Variants in DCLK1 observed in about 807,000 individuals in gnomAD.
DCLK1 encodes doublecortin like kinase 1.
DCLK1 carries 16 observed loss-of-function variants against 86.2 expected under a neutral mutation model. The observed-to-expected ratio is 0.19, with a 90% confidence interval of 0.13 to 0.28. The LOEUF is 0.28. Among genes scored for constraint, DCLK1 ranks in the 10% least tolerant of loss-of-function variants. The probability of loss-of-function intolerance (pLI) is 1.00; values close to 1 mark genes in which losing one functional copy is unlikely to be tolerated. For missense variants in DCLK1, 590 were observed against 940.2 expected, an observed-to-expected ratio of 0.63 and a Z score of 4.87; for synonymous variants, 369 against 370.5, an observed-to-expected ratio of 1.00 and a Z score of 0.05.
chr13:36,067,792 C>A (rs116034574), intron 3 of DCLK1, among the ~76,000 whole-genome samples: 1 of 152,174 alleles, frequency 6.6e-6, no homozygotes, highest in African/African-American at 2.4e-5. Context: ...ATTCCCTTCT[C>A]TCCTAGGAGC....
intron 3 of DCLK1, among the ~76,000 whole-genome samples, chr13:36,102,674 T>C (rs1258577244): frequency 6.6e-6 from 1 of 152,256 alleles, no homozygotes; most frequent in East Asian, 1.9e-4. Context: ...ACTGGACTTA[T>C]GGAATCAGAC....
intron 6 of DCLK1, chr13:35,849,699 G>C: frequency 1.0e-6 from 1 of 984,636 alleles, no homozygotes; most frequent in Non-Finnish European, 1.2e-6. Flanking sequence ...AACACAAAAG[G>C]AGTTTTGCAT....
chr13:35,955,500 C>T (rs189396684), intron 3 of DCLK1, among the ~76,000 whole-genome samples: 279 of 152,216 alleles, frequency 1.8e-3, no homozygotes, highest in Non-Finnish European at 3.4e-3. Flanking sequence ...GCCTAATCAC[C>T]TCCCAAAGGC....
At chr13:36,089,016 T>C (rs1884717909) in intron 3 of DCLK1, among the ~76,000 whole-genome samples, 1 of 152,198 alleles carries the variant, frequency 6.6e-6, no homozygotes, top group African/African-American at 2.4e-5. Context: ...AAAATTTTAT[T>C]CTATCTTTTT....
chr13:35,966,407 A>G lies in DCLK1; in HGVS notation c.724-18950T>C, dbSNP rs941807966. 2.6e-5 allele frequency among the ~76,000 whole-genome samples: 4 copies of G among 152,298 alleles called. No homozygotes were observed. In the South Asian group the frequency reaches 8.3e-4, roughly 32 times the overall value. On this transcript the variant is annotated intron_variant, in intron 3 of 16. Coordinates refer to ENST00000360631, the MANE Select transcript of DCLK1 (RefSeq NM_001330071.2). ...AATCCAAATATTCATTGATGGATGA[A>G]TGGATAAACAAAATATGACATAACC...
intron 11 of DCLK1, among the ~76,000 whole-genome samples, chr13:35,811,255 T>TCA (rs1283960496): frequency 6.6e-6 from 1 of 152,126 alleles, no homozygotes; most frequent in Non-Finnish European, 1.5e-5. Context: ...GGTTTATAGT[T>TCA]ATTGAATTAT....
intron 4 of DCLK1, among the ~76,000 whole-genome samples, chr13:35,930,411 T>A (rs899525719): frequency 6.6e-6 from 1 of 152,214 alleles, no homozygotes; most frequent in Non-Finnish European, 1.5e-5. Context: ...AACAATCTGT[T>A]GTCTTCCTCT....
At chr13:36,097,613 G>A (rs1885063869) in intron 3 of DCLK1, among the ~76,000 whole-genome samples, 1 of 151,850 alleles carries the variant, frequency 6.6e-6, no homozygotes, top group Non-Finnish European at 1.5e-5. Flanking sequence ...AATCCAAATA[G>A]GAATCAAAAT....
At chr13:36,004,804 T>C (rs1256422055) in intron 3 of DCLK1, among the ~76,000 whole-genome samples, 1 of 152,134 alleles carries the variant, frequency 6.6e-6, no homozygotes, top group Non-Finnish European at 1.5e-5. Context: ...TCTCAAACTC[T>C]TGGGCTCAAG....
At chr13:36,003,419 C>T (rs535337998) in intron 3 of DCLK1, among the ~76,000 whole-genome samples, 1 of 152,266 alleles carries the variant, frequency 6.6e-6, no homozygotes, top group Admixed American at 6.5e-5. Flanking sequence ...CTTTAGAAAT[C>T]TTTGTGGAAA....
chr13:36,073,847 C>T (rs909082944), intron 3 of DCLK1, among the ~76,000 whole-genome samples: 1 of 152,146 alleles, frequency 6.6e-6, no homozygotes, highest in Non-Finnish European at 1.5e-5. Context: ...TGGACCATGA[C>T]CACAGACAGA....
chr13:35,842,900 A>G (rs538041853), intron 6 of DCLK1, among the ~76,000 whole-genome samples: 1 of 152,324 alleles, frequency 6.6e-6, no homozygotes, highest in African/African-American at 2.4e-5. Flanking sequence ...TAATCCACCA[A>G]TTCTTCACTA....
chr13:36,124,126 C>G (rs548675104), intron 2 of DCLK1, among the ~76,000 whole-genome samples: 1 of 152,332 alleles, frequency 6.6e-6, no homozygotes, highest in Admixed American at 6.5e-5. Context: ...TTTTTCCCTA[C>G]AGTACTACCG....
At chr13:35,885,428 G>A (rs1020007074) in intron 4 of DCLK1, among the ~76,000 whole-genome samples, 6 of 152,222 alleles carry the variant, frequency 3.9e-5, no homozygotes, top group Non-Finnish European at 8.8e-5. Context: ...AAAACATTCA[G>A]ATTGTTGTGT....
chr13:35,793,268 C>G (rs531747698), intron 16 of DCLK1, 98 bp downstream of exon 16: 2 of 844,234 alleles, frequency 2.4e-6, no homozygotes, highest in African/African-American at 3.4e-5. Context: ...AGAAATGACC[C>G]ATTCTGCTGT....
In DCLK1 at chr13:36,097,751, T is replaced by C. The variant is rs577260693; in HGVS notation, c.723+14118A>G. Among the ~76,000 whole-genome samples, 5 of 152,192 alleles carry C rather than the reference T, an allele frequency of 3.3e-5. No homozygotes were observed. The East Asian group carries it at 9.7e-4, about 29-fold the overall frequency. ...TATTAATCTCAATGTGTTTAAAGAC[T>C]GACAAATCACAGGAATTTGATAATT... On this transcript the variant is annotated intron_variant, in intron 3 of 16. Coordinates refer to ENST00000360631, the MANE Select transcript of DCLK1 (RefSeq NM_001330071.2).
intron 5 of DCLK1, chr13:35,855,457 G>A: frequency 6.5e-7 from 1 of 1,528,170 alleles, no homozygotes; most frequent in African/African-American, 1.4e-5. Context: ...AGATTCTTGA[G>A]GGTGCAAAAT....
intron 3 of DCLK1, among the ~76,000 whole-genome samples, chr13:36,023,281 T>A (rs1354504360): frequency 1.3e-5 from 2 of 152,318 alleles, no homozygotes; most frequent in East Asian, 3.9e-4. Context: ...CTGCAGTGTA[T>A]GGGCTGGCAG....
At chr13:36,117,259 A>G (rs548984135) in intron 2 of DCLK1, among the ~76,000 whole-genome samples, 1 of 152,170 alleles carries the variant, frequency 6.6e-6, no homozygotes, top group East Asian at 1.9e-4. Flanking sequence ...ATTATAATTT[A>G]CAAAAATACA....
Sources: gnomAD v4.1 joint callset for allele counts (sites outside exome capture counted in the v4.1 genomes callset) on GRCh38, gnomAD v4.1.1 for gene constraint, MANE v1.5 for transcripts, NCBI Gene and HGNC (gene_info 2026-07-23, HGNC 2026-07-21) for gene names.